MTREX: variants seen among roughly 807,000 people sequenced by gnomAD.
MTREX encodes the protein Mtr4 exosome RNA helicase.
MTREX carries 76 observed loss-of-function variants against 135.4 expected under a neutral mutation model. The ratio of observed to expected loss-of-function variants is 0.56; its 90% CI spans 0.47 to 0.68. MTREX has a LOEUF of 0.68. MTREX is among the 30% of genes least tolerant of loss of function. The pLI is 0.00. For synonymous variants in MTREX, 404 were observed against 401.6 expected (o/e 1.01, Z -0.07); for missense variants, 920 against 1,262.1 (o/e 0.73, Z 4.11).
At chr5:55,311,419 C>T (rs892500073) in intron 1 of MTREX, among the ~76,000 whole-genome samples, 1 of 152,058 alleles carries the variant, frequency 6.6e-6, no homozygotes, top group Non-Finnish European at 1.5e-5. Flanking sequence ...ATTGTTATGT[C>T]CCTTAAGTAT....
chr5:55,397,614 A>G (rs1168163200), intron 20 of MTREX, 88 bp downstream of exon 20: 4 of 725,918 alleles, frequency 5.5e-6, no homozygotes, highest in Non-Finnish European at 6.4e-6. Flanking sequence ...TTTTAAATAT[A>G]TTGCTTTCTT....
chr5:55,339,892 A>G, intron 5 of MTREX, 118 bp from the exon 6 acceptor site: 1 of 568,856 alleles, frequency 1.8e-6, no homozygotes, highest in Non-Finnish European at 2.9e-6. Context: ...ACTGTTCTTC[A>G]GAGTCCATTC....
At chr5:55,412,793 C>T (rs1224821993) in intron 23 of MTREX, among the ~76,000 whole-genome samples, 1 of 152,124 alleles carries the variant, frequency 6.6e-6, no homozygotes, top group Non-Finnish European at 1.5e-5. Flanking sequence ...AGCTGTTGAC[C>T]ATGAATAGAC....
Position 55,328,695 on chromosome 5 carries a change from A to C in MTREX, c.403-4A>C. On this transcript the variant is annotated splice_polypyrimidine_tract_variant and splice_region_variant and intron_variant, in intron 4 of 26. Transcript: ENST00000230640. ...ATGCAGATATTAATGTTTTGTTTTT[A>C]TAGGAATACCCGTTCATTCTTGATG... The C allele has an allele frequency of 1.3e-6, 2 of 1,594,886 alleles. No individual in the cohort carries two copies. The highest frequency in any genetic ancestry group is 1.1e-5 in the South Asian group (1 of 90,262).
intron 25 of MTREX, 117 bp downstream of exon 25, chr5:55,416,249 T>A (rs1471416171): frequency 1.6e-6 from 1 of 619,616 alleles, no homozygotes; most frequent in African/African-American, 1.9e-5. Flanking sequence ...AAATGAAATC[T>A]TCTCCCTATT....
At chr5:55,386,713 CCAA>C (rs1191008513) in intron 18 of MTREX, among the ~76,000 whole-genome samples, 1 of 152,076 alleles carries the variant, frequency 6.6e-6, no homozygotes, top group Non-Finnish European at 1.5e-5. Context: ...GGAACCAAAT[CCAA>C]CAACAGAGTT....
intron 19 of MTREX, among the ~76,000 whole-genome samples, chr5:55,388,978 AATT>A (rs1750523034): frequency 6.6e-6 from 1 of 152,170 alleles, no homozygotes; most frequent in African/African-American, 2.4e-5. Flanking sequence ...TGGATCAATA[AATT>A]ATTATGGGTT....
At chr5:55,382,613 T>C (rs1432520346) in intron 18 of MTREX, among the ~76,000 whole-genome samples, 1 of 152,108 alleles carries the variant, frequency 6.6e-6, no homozygotes, top group Non-Finnish European at 1.5e-5. Context: ...TTTTTGAAAA[T>C]CATTTATGGT....
chr5:55,335,120 T>G (rs1171897137), intron 5 of MTREX, among the ~76,000 whole-genome samples: 1 of 152,104 alleles, frequency 6.6e-6, no homozygotes, highest in African/African-American at 2.4e-5. Context: ...TATCATTTCT[T>G]TATATATCTT....
At chr5:55,359,912 A>G (rs1749981060) in intron 15 of MTREX, among the ~76,000 whole-genome samples, 1 of 152,116 alleles carries the variant, frequency 6.6e-6, no homozygotes, top group Admixed American at 6.5e-5. Flanking sequence ...CTTTCATTGC[A>G]TTTTTAAAAT....
intron 19 of MTREX, among the ~76,000 whole-genome samples, chr5:55,392,543 A>T (rs1373542122): frequency 3.5e-4 from 1 of 2,818 alleles, no homozygotes; most frequent in African/African-American, 4.4e-3. Flanking sequence ...GCTCTGTCTA[A>T]AAAAAAAAAA....
intron 25 of MTREX, among the ~76,000 whole-genome samples, chr5:55,419,110 G>A (rs1200347639): frequency 6.6e-6 from 1 of 152,202 alleles, no homozygotes; most frequent in Non-Finnish European, 1.5e-5. Flanking sequence ...CTCCCAAGGT[G>A]TTGAGATTAC....
At chr5:55,349,733 C>A in intron 12 of MTREX, 81 bp downstream of exon 12, 1 of 762,956 alleles carries the variant, frequency 1.3e-6, no homozygotes, top group Non-Finnish European at 2.3e-6. Context: ...GGTTTTATTA[C>A]TCTATTGCAC....
At chr5:55,375,721 G>A (rs1417648248) in intron 16 of MTREX, among the ~76,000 whole-genome samples, 2 of 152,106 alleles carry the variant, frequency 1.3e-5, no homozygotes, top group Admixed American at 1.3e-4. Context: ...GGTATTGATT[G>A]GGGAAGTGAT....
At chr5:55,349,093 G>T (rs530249346) in intron 11 of MTREX, among the ~76,000 whole-genome samples, 1 of 151,678 alleles carries the variant, frequency 6.6e-6, no homozygotes, top group Admixed American at 6.6e-5. Context: ...GTTTTGAAAG[G>T]CAGAGAATTA....
At chr5:55,349,767 G>A (rs1219429570) in intron 12 of MTREX, 115 bp downstream of exon 12, 2 of 613,352 alleles carry the variant, frequency 3.3e-6, no homozygotes, top group Non-Finnish European at 5.9e-6. Flanking sequence ...TAGCATATGG[G>A]TTGTGATATG....
chr5:55,376,447 A>G (rs1433873510), intron 16 of MTREX, among the ~76,000 whole-genome samples: 1 of 152,230 alleles, frequency 6.6e-6, no homozygotes, highest in African/African-American at 2.4e-5. Flanking sequence ...TGGCTTACCA[A>G]TCATTAACAA....
chr5:55,334,927 A>G (rs1293920702), intron 5 of MTREX, among the ~76,000 whole-genome samples: 1 of 152,018 alleles, frequency 6.6e-6, no homozygotes. Flanking sequence ...CTGCTGAACT[A>G]TTTTTTAATG....
intron 19 of MTREX, 90 bp from the exon 20 acceptor site, chr5:55,397,326 A>G: frequency 2.8e-6 from 2 of 721,562 alleles, no homozygotes; most frequent in East Asian, 2.7e-5. Flanking sequence ...CATAAATGCA[A>G]CTTCCTCTTT....
Sources: allele counts gnomAD v4.1 joint callset (sites outside exome capture counted in the v4.1 genomes callset), GRCh38; gene constraint gnomAD v4.1.1; transcripts MANE v1.5; gene names NCBI Gene and HGNC (gene_info 2026-07-23, HGNC 2026-07-21).